ALG11: variants seen among roughly 807,000 people sequenced by gnomAD.
ALG11 encodes ALG11 alpha-1,2-mannosyltransferase.
In ALG11, 26 loss-of-function variants were observed where a neutral mutation model predicts 38.8. The observed-to-expected ratio is 0.67, with a 90% CI of 0.49 to 0.93. The LOEUF is 0.93. Ranked by LOEUF, ALG11 falls within the 40% of genes least tolerant of loss-of-function variation. The pLI is 0.00. For missense variants in ALG11, 535 were observed against 578.8 expected, an observed-to-expected ratio of 0.92 and a Z score of 0.78; for synonymous variants, 199 against 211.6, an observed-to-expected ratio of 0.94 and a Z score of 0.52.
chr13:52,024,734 C>G lies in ALG11; in HGVS notation c.1004C>G (p.Pro335Arg), dbSNP rs1465218841. 6.2e-7 allele frequency: 1 copy of G among 1,614,246 alleles called. No individual in the cohort carries two copies. Among genetic ancestry groups the G allele is most frequent in the Non-Finnish European group, 8.5e-7 (1 of 1,180,046 alleles). The change falls in exon 3 of 4, where the codon CCT becomes CGT. Residue 335 changes from proline to arginine, a missense_variant. Transcript: ENST00000521508. ...AATAAGAAGATGGTTGAGTCACCTC[C>G]TTCGCTTAAACTTGTCCTCATTGGA... ...LLNKKMVESP[P>R]SLKLVLIGGC...
chr13:52,029,258 C>T lies in ALG11; in HGVS notation c.*668C>T. On this transcript the variant is annotated 3_prime_UTR_variant, in exon 4 of 4. Coordinates refer to ENST00000521508, the MANE Select transcript of ALG11 (RefSeq NM_001004127.3). ...GGACCCTATCATCCTGAAGAACCAGCAGGCAGAGCAGCTGGTTTTTCCCCT... is the reference window on the plus strand; with the variant it reads ...GGACCCTATCATCCTGAAGAACCAGTAGGCAGAGCAGCTGGTTTTTCCCCT... 6.2e-7 allele frequency: 1 copy of T among 1,614,186 alleles called. No individual in the cohort carries two copies. Among genetic ancestry groups the T allele is most frequent in the Non-Finnish European group, 8.5e-7 (1 of 1,180,032 alleles).
chr13:52,018,809 C>T (rs1465080293), intron 1 of ALG11, 104 bp from the exon 2 acceptor site: 4 of 946,592 alleles, frequency 4.2e-6, no homozygotes, highest in Admixed American at 2.2e-5. Context: ...ACAATTCTCT[C>T]TTTGTTACTA....
intron 2 of ALG11, chr13:52,023,383 A>T (rs757446055): frequency 3.9e-5 from 6 of 152,170 alleles, no homozygotes; most frequent in Non-Finnish European, 8.8e-5. Flanking sequence ...TCAATAAAAA[A>T]TGTAGAAAAC....
chr13:52,014,713 GGGA>G (rs1258229397), intron 1 of ALG11, among the ~76,000 whole-genome samples: 1 of 151,956 alleles, frequency 6.6e-6, no homozygotes, highest in Non-Finnish European at 1.5e-5. Flanking sequence ...AATTTTGATT[GGGA>G]GGGTGCTACT....
rs779542643 is a variant in ALG11 at position 52,019,158 on chromosome 13, T to G, written c.275+15T>G. Reference sequence around the variant, plus strand: ...CTGCAGAAAAAGTAGGTATCCATCTTTCTTAGCTAATTTGCTATATTGTTC... The same window carrying G: ...CTGCAGAAAAAGTAGGTATCCATCTGTCTTAGCTAATTTGCTATATTGTTC... On this transcript the variant is annotated intron_variant, in intron 2 of 3. Coordinates refer to ENST00000521508, the MANE Select transcript of ALG11 (RefSeq NM_001004127.3). 3.1e-6 allele frequency: 5 copies of G among 1,591,570 alleles called. No homozygotes were observed. The South Asian group carries it at 5.5e-5, about 18-fold the overall frequency.
Position 52,032,821 on chromosome 13 carries a change from TTAAATC to T in ALG11, c.*4236_*4241del, listed in dbSNP as rs1406897080. On this transcript the variant is annotated 3_prime_UTR_variant, in exon 4 of 4. Coordinates refer to ENST00000521508, the MANE Select transcript of ALG11 (RefSeq NM_001004127.3). ...TTTCAGCTTTACAGACAAGAACAATTTAAATCTAAAGAATTTAGTAGATTCCTTCAG... is the reference window on the plus strand; with the variant it reads ...TTTCAGCTTTACAGACAAGAACAATTTAAAGAATTTAGTAGATTCCTTCAG... 1.2e-5 allele frequency: 2 copies of T among 167,112 alleles called. No individual in the cohort carries two copies. The highest frequency in any genetic ancestry group is 2.9e-5 in the Non-Finnish European group (2 of 68,122). The allele number at this position is 167,112 out of a possible 1,614,324, so 10.4% of individuals were successfully genotyped here.
intron 1 of ALG11, chr13:52,015,845 G>C (rs142990478): frequency 0.016 from 2,384 of 152,530 alleles, 73 homozygotes; most frequent in Admixed American, 0.081. Flanking sequence ...AGTACCAGTA[G>C]AGTGGGGTGC....
chr13:52,024,339 C>G lies in ALG11; in HGVS notation c.609C>G (p.Ser203Arg). 6.2e-7 allele frequency: 1 copy of G among 1,614,166 alleles called. No individual in the cohort carries two copies. The highest frequency in any genetic ancestry group is 8.5e-7 in the Non-Finnish European group (1 of 1,180,020). ...VGSYVHYPTI[S>R]TDMLSVVKNQ... is the part of the protein sequence containing the mutation. ...GCTATGTTCATTATCCTACTATCAG[C>G]ACCGACATGCTCTCTGTAGTGAAGA... The change falls in exon 3 of 4, where the codon AGC becomes AGG. Residue 203 changes from serine to arginine, a missense_variant. Ser to Arg is a moderately radical substitution (Grantham distance 110). Coordinates refer to ENST00000521508, the MANE Select transcript of ALG11 (RefSeq NM_001004127.3).
Position 52,024,711 on chromosome 13 carries a change from T to C in ALG11, c.981T>C (p.Asn327=). 1 of 1,614,220 alleles carries C rather than the reference T, an allele frequency of 6.2e-7. No homozygotes were observed. The highest frequency in any genetic ancestry group is 8.5e-7 in the Non-Finnish European group (1 of 1,180,024). ...TCAGAGCCTTTGCTAAATTGCTGAA[T>C]AAGAAGATGGTTGAGTCACCTCCTT... ...LQIRAFAKLL[N]KKMVESPPSL... Residue 327 remains asparagine (N), a synonymous_variant, in exon 3 of 4, where the codon AAT becomes AAC. Transcript: ENST00000521508.
At chr13:52,025,578 T>C (rs781535839) in intron 3 of ALG11, among the ~76,000 whole-genome samples, 1 of 152,252 alleles carries the variant, frequency 6.6e-6, no homozygotes, top group Non-Finnish European at 1.5e-5. Context: ...TTGGAATGGC[T>C]CTCCTCTTTG....
At chr13:52,023,670 C>T (rs1200631164) in intron 2 of ALG11, 14 of 145,740 alleles carry the variant, frequency 9.6e-5, no homozygotes, top group Admixed American at 9.1e-4. Context: ...TTGATTTTAA[C>T]CTAATATATT....
chr13:52,023,004 G>A (rs2140837062), intron 2 of ALG11: 1 of 152,324 alleles, frequency 6.6e-6, no homozygotes, highest in East Asian at 1.9e-4. Flanking sequence ...TAAACAGAGG[G>A]AGACCAAAGT....
chr13:52,015,561 A>G (rs750983918), intron 1 of ALG11, among the ~76,000 whole-genome samples: 1 of 151,864 alleles, frequency 6.6e-6, no homozygotes, highest in Non-Finnish European at 1.5e-5. Flanking sequence ...ATCCAGGGGG[A>G]GGTAATTGAA....
chr13:52,024,331 A>G lies in ALG11; in HGVS notation c.601A>G (p.Thr201Ala), dbSNP rs767641953. 1.2e-6 allele frequency: 2 copies of G among 1,614,160 alleles called. No individual in the cohort carries two copies. Among genetic ancestry groups the G allele is most frequent in the Admixed American group, 1.7e-5 (1 of 60,020 alleles). ...AGTTGGAAGCTATGTTCATTATCCTACTATCAGCACCGACATGCTCTCTGT... is the reference window on the plus strand; with the variant it reads ...AGTTGGAAGCTATGTTCATTATCCTGCTATCAGCACCGACATGCTCTCTGT... ...CQVGSYVHYP[T>A]ISTDMLSVVK... Residue 201 changes from threonine (T) to alanine (A), a missense_variant, in exon 3 of 4, where the codon ACT becomes GCT. By Grantham distance (58) the Thr-to-Ala change is moderately conservative. Transcript: ENST00000521508.
chr13:52,012,851 C>T (rs540796930), intron 1 of ALG11, among the ~76,000 whole-genome samples: 53 of 152,084 alleles, frequency 3.5e-4, no homozygotes, highest in Non-Finnish European at 5.7e-4. Flanking sequence ...AAGAAGAAAC[C>T]GGATCTTCCT....
chr13:52,019,600 G>A (rs903508328), intron 2 of ALG11, among the ~76,000 whole-genome samples: 1 of 152,036 alleles, frequency 6.6e-6, no homozygotes, highest in Admixed American at 6.6e-5. Context: ...TCTTTCATGT[G>A]CCCACATACC....
At chr13:52,022,512 A>G (rs2140836306) in intron 2 of ALG11, 1 of 152,278 alleles carries the variant, frequency 6.6e-6, no homozygotes, top group East Asian at 1.9e-4. Context: ...GAGCAGTTAG[A>G]TTGTCATCCT....
Position 52,019,216 on chromosome 13 carries a change from C to CTTTTT in ALG11, c.275+92_275+96dup, listed in dbSNP as rs767701891. The CTTTTT allele has an allele frequency of 4.4e-4, 195 of 447,208 alleles. 1 individual carries two copies. Among genetic ancestry groups the CTTTTT allele is most frequent in the South Asian group, 5.9e-4 (26 of 43,910 alleles). 27.7% of individuals were successfully genotyped at this position (447,208 alleles called of 1,614,324 possible). On this transcript the variant is annotated intron_variant, in intron 2 of 3. Transcript: ENST00000521508. ...TAAAAATTATTATCCAGAAATTCAT[C>CTTTTT]TTTTTTTTTTTTTTTTTTTTTTTGA... is the stretch of plus-strand genomic sequence containing the variant.
rs1383218234 is a variant in ALG11, at chr13:52,029,866, C to G, written c.*1276C>G. ...AGGGAGGCACAGAAGTGGAAGAACT[C>G]CTTGTCCCTCATGTAGCGAATGAAG... On this transcript the variant is annotated 3_prime_UTR_variant, in exon 4 of 4. Transcript: ENST00000521508. The G allele has an allele frequency of 6.2e-7, 1 of 1,614,050 alleles. No homozygotes were observed. The highest frequency in any genetic ancestry group is 8.5e-7 in the Non-Finnish European group (1 of 1,180,034).
Sources: gnomAD v4.1 joint callset for allele counts (sites outside exome capture counted in the v4.1 genomes callset) on GRCh38, gnomAD v4.1.1 for gene constraint, MANE v1.5 for transcripts, NCBI Gene and HGNC (gene_info 2026-07-23, HGNC 2026-07-21) for gene names.